SAMD12: variants seen among roughly 807,000 people sequenced by gnomAD.
SAMD12 encodes sterile alpha motif domain containing 12, also known as sterile alpha motif domain-containing protein 12.
In SAMD12, 9 loss-of-function variants were observed where a neutral mutation model predicts 15.0. The ratio of observed to expected loss-of-function variants is 0.60; its 90% CI spans 0.36 to 1.05. SAMD12 has a LOEUF of 1.05. Ranked by LOEUF, SAMD12 falls within the 50% of genes least tolerant of loss-of-function variation. The pLI, the probability that SAMD12 is intolerant of heterozygous loss-of-function variation, is 0.01. For synonymous variants in SAMD12, 86 were observed against 90.1 expected, an observed-to-expected ratio of 0.96 and a Z score of 0.25; for missense variants, 230 against 234.2, an observed-to-expected ratio of 0.98 and a Z score of 0.12.
intron 4 of SAMD12, among the ~76,000 whole-genome samples, chr8:118,209,010 G>A (rs563878663): frequency 6.4e-4 from 98 of 152,268 alleles, no homozygotes; most frequent in African/African-American, 2.0e-3. Context: ...TCTGAAGTGC[G>A]GATGATTATC....
intron 4 of SAMD12, among the ~76,000 whole-genome samples, chr8:118,329,333 G>C (rs1315931872): frequency 6.6e-6 from 1 of 152,036 alleles, no homozygotes; most frequent in African/African-American, 2.4e-5. Context: ...TATTATAAAT[G>C]ATCATATATA....
At chr8:118,248,224 T>C (rs1028186991) in intron 4 of SAMD12, among the ~76,000 whole-genome samples, 4 of 152,146 alleles carry the variant, frequency 2.6e-5, no homozygotes, top group African/African-American at 9.6e-5. Context: ...TTTCAAATAA[T>C]TAATCATTTT....
chr8:118,151,552 G>T, the SAMD12 span, among the ~76,000 whole-genome samples: 2 of 152,102 alleles, frequency 1.3e-5, no homozygotes, highest in South Asian at 2.1e-4. Flanking sequence ...TACCAGGCCG[G>T]GCGTGGTGGC....
intron 4 of SAMD12, chr8:118,284,149 C>T: frequency 2.6e-6 from 1 of 383,896 alleles, no homozygotes; most frequent in Non-Finnish European, 5.1e-6. Flanking sequence ...TCTTTTGGAT[C>T]CATTATGATA....
intron 4 of SAMD12, among the ~76,000 whole-genome samples, chr8:118,370,423 C>T (rs948271284): frequency 1.3e-4 from 20 of 152,160 alleles, no homozygotes; most frequent in African/African-American, 3.6e-4. Flanking sequence ...CCCCAGCAAT[C>T]CCATTACTGG....
chr8:118,550,673 T>C (rs933769838), intron 2 of SAMD12, among the ~76,000 whole-genome samples: 1 of 151,588 alleles, frequency 6.6e-6, no homozygotes, highest in Non-Finnish European at 1.5e-5. Flanking sequence ...AATTCACACA[T>C]AACAATATTA....
chr8:118,602,272 C>T (rs1163245302), intron 1 of SAMD12, among the ~76,000 whole-genome samples: 1 of 152,190 alleles, frequency 6.6e-6, no homozygotes, highest in East Asian at 1.9e-4. Context: ...TAGAATGGGA[C>T]TTAGGACACT....
intron 4 of SAMD12, among the ~76,000 whole-genome samples, chr8:118,298,418 T>C (rs1008262085): frequency 6.6e-6 from 1 of 152,198 alleles, no homozygotes; most frequent in Admixed American, 6.5e-5. Flanking sequence ...CTGTAATATT[T>C]AAGAATTTTT....
intron 3 of SAMD12, among the ~76,000 whole-genome samples, chr8:118,415,389 C>T (rs1240243365): frequency 6.6e-6 from 1 of 151,474 alleles, no homozygotes; most frequent in Non-Finnish European, 1.5e-5. Flanking sequence ...GACTTACCTC[C>T]TTCAACCAAC....
At chr8:118,406,681 C>T (rs1452300142) in intron 3 of SAMD12, among the ~76,000 whole-genome samples, 2 of 152,104 alleles carry the variant, frequency 1.3e-5, no homozygotes, top group Non-Finnish European at 1.5e-5. Context: ...ACTCTATGCC[C>T]ACTGGATAAC....
rs1055921352 is a variant in SAMD12 at position 118,386,277 on chromosome 8, C to T, written c.323-6577G>A. ...GTAGGACACGAAACATTCTCTGATA[C>T]GTCTGTTTCTGCCAGCTGCCAGTAC... On this transcript the variant is annotated intron_variant, in intron 3 of 3. Coordinates refer to ENST00000314727, the MANE Select transcript of SAMD12 (RefSeq NM_207506.3). Among the ~76,000 whole-genome samples, 12 of 152,186 alleles carry T rather than the reference C, an allele frequency of 7.9e-5. 1 individual carries two copies. In the South Asian group the frequency reaches 1.2e-3, roughly 16 times the overall value.
At chr8:118,350,431 G>A (rs181527624) in intron 4 of SAMD12, among the ~76,000 whole-genome samples, 92 of 152,306 alleles carry the variant, frequency 6.0e-4, no homozygotes, top group African/African-American at 2.0e-3. Context: ...TAGACCTGAG[G>A]TCACGCTCCA....
intron 4 of SAMD12, among the ~76,000 whole-genome samples, chr8:118,346,002 C>T (rs952535157): frequency 1.3e-5 from 2 of 152,208 alleles, no homozygotes; most frequent in Non-Finnish European, 2.9e-5. Flanking sequence ...GCTTGTCCTG[C>T]ACCGCAGCAG....
intron 4 of SAMD12, among the ~76,000 whole-genome samples, chr8:118,200,849 A>G (rs1819695667): frequency 6.6e-6 from 1 of 152,158 alleles, no homozygotes; most frequent in Non-Finnish European, 1.5e-5. Flanking sequence ...GACAGGGTCT[A>G]GCTCTCATCG....
At chr8:118,412,165 G>A (rs556977604) in intron 3 of SAMD12, among the ~76,000 whole-genome samples, 1 of 152,294 alleles carries the variant, frequency 6.6e-6, no homozygotes, top group East Asian at 1.9e-4. Context: ...GGTAGCCTGG[G>A]CCTGGCGAGG....
chr8:118,362,133 T>G (rs1186551476), intron 4 of SAMD12, among the ~76,000 whole-genome samples: 1 of 151,650 alleles, frequency 6.6e-6, no homozygotes, highest in Non-Finnish European at 1.5e-5. Flanking sequence ...TGAAGAGAAT[T>G]GAAAAGAAAA....
At chr8:118,555,904 A>G (rs1337880009) in intron 2 of SAMD12, among the ~76,000 whole-genome samples, 2 of 152,204 alleles carry the variant, frequency 1.3e-5, no homozygotes, top group Non-Finnish European at 2.9e-5. Context: ...GAGTGTGTCA[A>G]TTTGCACTTA....
intron 2 of SAMD12, among the ~76,000 whole-genome samples, chr8:118,446,020 T>G (rs1284600068): frequency 1.3e-5 from 2 of 152,174 alleles, no homozygotes; most frequent in Non-Finnish European, 2.9e-5. Context: ...TTTTTATGAT[T>G]AACAAGTAAC....
chr8:118,488,227 A>AT (rs11324588), intron 2 of SAMD12, among the ~76,000 whole-genome samples: 13 of 151,504 alleles, frequency 8.6e-5, no homozygotes, highest in South Asian at 2.1e-4. Flanking sequence ...TAATTTTACC[A>AT]TTTTTTTTTC....
Sources: allele counts gnomAD v4.1 joint callset (sites outside exome capture counted in the v4.1 genomes callset), GRCh38; gene constraint gnomAD v4.1.1; transcripts MANE v1.5; gene names NCBI Gene and HGNC (gene_info 2026-07-23, HGNC 2026-07-21).